The following CCDC178 variants were observed in gnomAD, a reference collection of about 807,000 sequenced individuals.
CCDC178 encodes coiled-coil domain containing 178.
In CCDC178, 126 loss-of-function variants were observed where a neutral mutation model predicts 117.4. The ratio of observed to expected loss-of-function variants is 1.07; its 90% CI spans 0.93 to 1.24. CCDC178 has a LOEUF of 1.24. Among genes scored for constraint, CCDC178 ranks in the 50% most tolerant of loss-of-function variants. The pLI is 0.00. For missense variants in CCDC178, 1,030 were observed against 986.9 expected, an observed-to-expected ratio of 1.04 and a Z score of -0.59; for synonymous variants, 283 against 313.4, an observed-to-expected ratio of 0.90 and a Z score of 1.02.
Position 33,372,409 on chromosome 18 carries a change from T to C in CCDC178, c.209-2220A>G, listed in dbSNP as rs144716900. Among the ~76,000 whole-genome samples the C allele has an allele frequency of 3.6e-3, 542 of 152,266 alleles. 4 individuals are homozygous for C. The highest frequency in any genetic ancestry group is 6.8e-3 in the Middle Eastern group (2 of 294). On this transcript the variant is annotated intron_variant, in intron 5 of 22. Coordinates refer to ENST00000383096, the MANE Select transcript of CCDC178 (RefSeq NM_001105528.4). ...TCTTTAGCTAAAATGATTCAGTCTT[T>C]AGGTCTCAGATTTCTTATTTAATAA...
At chr18:33,159,804 T>C (rs1188574477) in intron 20 of CCDC178, among the ~76,000 whole-genome samples, 3 of 152,138 alleles carry the variant, frequency 2.0e-5, no homozygotes, top group Non-Finnish European at 4.4e-5. Context: ...CATATGTTTG[T>C]TCTCATTTAA....
At chr18:33,127,509 C>G (rs1419846508) in intron 20 of CCDC178, among the ~76,000 whole-genome samples, 1 of 152,122 alleles carries the variant, frequency 6.6e-6, no homozygotes, top group Non-Finnish European at 1.5e-5. Context: ...AATCTTGGCT[C>G]ACTGCAACCT....
intron 22 of CCDC178, among the ~76,000 whole-genome samples, chr18:32,946,443 G>A (rs941178252): frequency 6.6e-5 from 10 of 152,098 alleles, no homozygotes; most frequent in African/African-American, 2.4e-4. Flanking sequence ...AGACCTAAAA[G>A]TATCAAGACT....
In CCDC178 at chr18:33,383,043, T is replaced by C. The variant is rs562203043; in HGVS notation, c.208+6497A>G. Among the ~76,000 whole-genome samples the C allele has an allele frequency of 2.0e-5, 3 of 152,238 alleles. No individual in the cohort carries two copies. In the East Asian group the frequency reaches 5.8e-4, roughly 30 times the overall value. ...ATGACTGCCATTTCTGTGGCTTTAG[T>C]AGGCTGTTTTCCCCTAACAGTGCTA... is the stretch of plus-strand genomic sequence containing the variant. On this transcript the variant is annotated intron_variant, in intron 5 of 22. Coordinates refer to ENST00000383096, the MANE Select transcript of CCDC178 (RefSeq NM_001105528.4).
At chr18:33,305,482 G>A (rs1430667718) in intron 11 of CCDC178, among the ~76,000 whole-genome samples, 3 of 151,984 alleles carry the variant, frequency 2.0e-5, no homozygotes, top group Admixed American at 2.0e-4. Flanking sequence ...GGTGAAGGAG[G>A]GACCAGTGTT....
chr18:33,284,388 C>T (rs971570502), intron 12 of CCDC178, among the ~76,000 whole-genome samples: 2 of 152,016 alleles, frequency 1.3e-5, no homozygotes, highest in African/African-American at 4.8e-5. Context: ...TATCCCTGAA[C>T]TTAAAAGTTA....
At chr18:33,026,423 A>G (rs2056230517) in intron 21 of CCDC178, among the ~76,000 whole-genome samples, 2 of 152,096 alleles carry the variant, frequency 1.3e-5, no homozygotes, top group African/African-American at 4.8e-5. Flanking sequence ...AACTAAAAAT[A>G]CCTCGGAATA....
chr18:33,180,160 C>T (rs1409491739), intron 20 of CCDC178, among the ~76,000 whole-genome samples: 2 of 151,778 alleles, frequency 1.3e-5, no homozygotes, highest in Admixed American at 6.6e-5. Context: ...TGAAAATTGG[C>T]AAAATCTTAG....
intron 21 of CCDC178, among the ~76,000 whole-genome samples, chr18:32,977,469 A>G (rs1048280512): frequency 6.6e-6 from 1 of 152,172 alleles, no homozygotes; most frequent in Non-Finnish European, 1.5e-5. Context: ...ACCACATAGC[A>G]TAGGTTTTCA....
intron 21 of CCDC178, among the ~76,000 whole-genome samples, chr18:33,060,233 T>C (rs1361715180): frequency 6.6e-6 from 1 of 151,936 alleles, no homozygotes; most frequent in Non-Finnish European, 1.5e-5. Context: ...AAATAACGAG[T>C]TTCTGGTTGA....
chr18:33,337,678 A>G (rs2144647042), intron 9 of CCDC178, among the ~76,000 whole-genome samples: 1 of 152,160 alleles, frequency 6.6e-6, no homozygotes, highest in East Asian at 1.9e-4. Context: ...CTATTCAACA[A>G]ATGGTGCTAG....
intron 21 of CCDC178, among the ~76,000 whole-genome samples, chr18:33,027,799 C>T (rs1176951880): frequency 2.0e-5 from 3 of 151,606 alleles, no homozygotes; most frequent in Middle Eastern, 3.4e-3. Flanking sequence ...GTTCTCTGAT[C>T]TCAGTGGAAT....
chr18:33,033,142 T>C (rs907517004), intron 21 of CCDC178, among the ~76,000 whole-genome samples: 7 of 152,176 alleles, frequency 4.6e-5, no homozygotes, highest in African/African-American at 1.4e-4. Flanking sequence ...TAAATTATAA[T>C]TATGATTACA....
intron 20 of CCDC178, among the ~76,000 whole-genome samples, chr18:33,124,888 C>T (rs2057984270): frequency 6.6e-6 from 1 of 152,110 alleles, no homozygotes; most frequent in Non-Finnish European, 1.5e-5. Context: ...ATAAGGATAC[C>T]TGTAAGCATG....
At chr18:33,343,648 C>G (rs1042546880) in intron 9 of CCDC178, among the ~76,000 whole-genome samples, 2 of 152,122 alleles carry the variant, frequency 1.3e-5, no homozygotes, top group Admixed American at 1.3e-4. Flanking sequence ...GAATCAGCCT[C>G]CTGGCCCACA....
rs761136143 is a variant in CCDC178 at position 33,209,421 on chromosome 18, A to G, written c.2238+2475T>C. Among the ~76,000 whole-genome samples, 84 of 151,996 alleles carry G rather than the reference A, an allele frequency of 5.5e-4. 3 individuals carry two copies. The highest frequency in any genetic ancestry group is 1.0e-3 in the South Asian group (5 of 4,830). On this transcript the variant is annotated intron_variant, in intron 20 of 22. Coordinates refer to ENST00000383096, the MANE Select transcript of CCDC178 (RefSeq NM_001105528.4). ...CTTTTATGAAGTATTTTATTAAACC[A>G]TCCCTACAGATGATCCATAATTGTG...
intron 3 of CCDC178, among the ~76,000 whole-genome samples, chr18:33,397,769 A>G (rs1046364471): frequency 1.3e-5 from 2 of 152,170 alleles, no homozygotes; most frequent in Non-Finnish European, 2.9e-5. Context: ...CATGATTTTT[A>G]TAAAAGAAAA....
intron 22 of CCDC178, among the ~76,000 whole-genome samples, chr18:32,940,973 C>G (rs1054862462): frequency 1.3e-5 from 2 of 151,958 alleles, no homozygotes; most frequent in South Asian, 2.1e-4. Context: ...TGTTGAAATA[C>G]AGTAGGAACT....
intron 5 of CCDC178, among the ~76,000 whole-genome samples, chr18:33,385,147 A>G (rs1228602863): frequency 6.6e-6 from 1 of 152,226 alleles, no homozygotes; most frequent in Non-Finnish European, 1.5e-5. Flanking sequence ...AAAGGGTTCA[A>G]TTCAACAAGA....
Sources: gnomAD v4.1 joint callset for allele counts (sites outside exome capture counted in the v4.1 genomes callset) on GRCh38, gnomAD v4.1.1 for gene constraint, MANE v1.5 for transcripts, NCBI Gene and HGNC (gene_info 2026-07-23, HGNC 2026-07-21) for gene names.